NF1: variants seen among roughly 807,000 people sequenced by gnomAD.
NF1 encodes neurofibromin.
A neutral mutation model predicts 325.7 loss-of-function variants in NF1; 122 were observed. That is an observed-to-expected ratio of 0.37 (90% confidence interval 0.32 to 0.44). NF1 has a LOEUF of 0.44. Ranked by LOEUF, NF1 falls within the 20% of genes least tolerant of loss-of-function variation. The pLI, the probability that NF1 is intolerant of heterozygous loss-of-function variation, is 1.00. For missense variants in NF1, 2,140 were observed against 3,415.4 expected (o/e 0.63, Z 9.31); for synonymous variants, 1,091 against 1,186.0 (o/e 0.92, Z 1.65).
At chr17:31,338,919 A>G in intron 46 of NF1, 114 bp downstream of exon 46, 4 of 751,478 alleles carry the variant, frequency 5.3e-6, no homozygotes, top group Non-Finnish European at 9.3e-6. Context: ...TAAAGAAAAA[A>G]CTATAGTTAA....
intron 1 of NF1, among the ~76,000 whole-genome samples, chr17:31,106,657 C>T (rs1375729974): frequency 6.6e-6 from 1 of 152,098 alleles, no homozygotes; most frequent in East Asian, 1.9e-4. Context: ...TGAATCTTTT[C>T]AAGTTGGTTA....
chr17:31,345,012 A>G (rs990419519), intron 48 of NF1, among the ~76,000 whole-genome samples: 2 of 152,280 alleles, frequency 1.3e-5, no homozygotes, highest in Non-Finnish European at 2.9e-5. Context: ...AGTTTCAGCC[A>G]CTCAGGAGGC....
intron 57 of NF1, among the ~76,000 whole-genome samples, chr17:31,365,278 CAAAAAAAAA>C (rs67659795): frequency 9.9e-6 from 1 of 101,118 alleles, no homozygotes; most frequent in African/African-American, 5.5e-5. Flanking sequence ...GAACCTATCT[CAAAAAAAAA>C]AAAAAAAAAA....
chr17:31,266,307 G>A (rs2067787407), intron 36 of NF1, among the ~76,000 whole-genome samples: 1 of 152,220 alleles, frequency 6.6e-6, no homozygotes, highest in Admixed American at 6.5e-5. Context: ...GGTGAAGGAA[G>A]ATCAGTGGAA....
intron 3 of NF1, 125 bp downstream of exon 3, chr17:31,159,218 A>G: frequency 1.4e-6 from 1 of 710,932 alleles, no homozygotes. Context: ...ACATATAAAT[A>G]TGAGTTTTGT....
At chr17:31,345,839 T>C (rs1555535703) in intron 48 of NF1, 2 of 1,613,780 alleles carry the variant, frequency 1.2e-6, no homozygotes, top group Admixed American at 1.7e-5. Context: ...GTGAAGTGGA[T>C]CTAGTGATCA....
At chr17:31,358,882 A>G (rs2070336503) in intron 55 of NF1, 87 bp from the exon 56 acceptor site, 4 of 1,229,026 alleles carry the variant, frequency 3.3e-6, no homozygotes, top group Non-Finnish European at 4.8e-6. Flanking sequence ...TAGGGTTTAT[A>G]TATCATCAGC....
intron 17 of NF1, among the ~76,000 whole-genome samples, chr17:31,226,223 A>T (rs1254282832): frequency 6.6e-6 from 1 of 151,958 alleles, no homozygotes; most frequent in Non-Finnish European, 1.5e-5. Flanking sequence ...GTTGGTCCAG[A>T]TAATCTCATT....
rs1247576052 is a variant in NF1 at position 31,249,229 on chromosome 17, A to G, written c.4110+110A>G. Reference sequence around the variant, plus strand: ...TGGTGTGTGGTTAACTATAATACTGAGTCAGTTTGGATGAATAATACATTG... The same window carrying G: ...TGGTGTGTGGTTAACTATAATACTGGGTCAGTTTGGATGAATAATACATTG... On this transcript the variant is annotated intron_variant, in intron 30 of 57. Transcript: ENST00000358273. 7.2e-6 allele frequency: 9 copies of G among 1,255,880 alleles called. No homozygotes were observed. The African/African-American group carries it at 1.2e-4, about 16-fold the overall frequency. 77.8% of individuals were successfully genotyped at this position (1,255,880 alleles called of 1,614,324 possible).
At chr17:31,338,485 G>T (rs1346711373) in intron 45 of NF1, among the ~76,000 whole-genome samples, 1 of 151,996 alleles carries the variant, frequency 6.6e-6, no homozygotes, top group East Asian at 1.9e-4. Context: ...TATTTAATTT[G>T]TAATTACTAT....
At chr17:31,355,862 G>T (rs942012933) in intron 51 of NF1, 1 of 154,128 alleles carries the variant, frequency 6.5e-6, no homozygotes, top group Non-Finnish European at 1.4e-5. Context: ...GAAAAAAATA[G>T]TGTTAATACA....
intron 39 of NF1, among the ~76,000 whole-genome samples, chr17:31,334,334 A>G (rs1307776485): frequency 6.6e-6 from 1 of 152,098 alleles, no homozygotes; most frequent in Non-Finnish European, 1.5e-5. Flanking sequence ...ATAATCACTG[A>G]AAAAAATATT....
At chr17:31,306,694 G>A (rs1433519034) in intron 36 of NF1, among the ~76,000 whole-genome samples, 1 of 151,916 alleles carries the variant, frequency 6.6e-6, no homozygotes, top group Admixed American at 6.6e-5. Context: ...TGAATCTGGT[G>A]GAGTAAATTC....
chr17:31,194,099 C>G (rs1161656607), intron 8 of NF1, among the ~76,000 whole-genome samples: 3 of 152,138 alleles, frequency 2.0e-5, no homozygotes, highest in African/African-American at 4.8e-5. Flanking sequence ...ATGTTTATTG[C>G]AGCACTATTC....
chr17:31,139,183 G>A (rs1160346956), intron 1 of NF1, among the ~76,000 whole-genome samples: 5 of 152,108 alleles, frequency 3.3e-5, no homozygotes, highest in African/African-American at 1.2e-4. Context: ...AAGTAGCTGG[G>A]ATTACAGGCA....
Position 31,350,287 on chromosome 17 carries a change from T to C in NF1, c.7426T>C (p.Tyr2476His), listed in dbSNP as rs864622745. 5 of 1,613,048 alleles carry C rather than the reference T, an allele frequency of 3.1e-6. No individual in the cohort carries two copies. Residue 2476 changes from tyrosine (Y) to histidine (H), a missense_variant, in exon 50 of 58, where the codon TAT becomes CAT. This residue lies in a region of NF1 where 522 missense variants were observed against 749.0 expected (regional missense o/e 0.70). Transcript: ENST00000358273. ...AATGGAAAATGTTCCTATGGATACA[T>C]ATCCCATTCATCATGGTGACCCTTC... ...ISMENVPMDT[Y>H]PIHHGDPSYR...
At position 31,296,054 on chromosome 17, in the gene NF1, A is replaced by G; in HGVS notation, c.4836-29766A>G. ...CAGAGACCGAGGTAAGTGAGCAGGC[A>G]GGCTTTCAAGCCTGTTGTTTGAAAT... On this transcript the variant is annotated intron_variant, in intron 36 of 57. Transcript: ENST00000358273. 9 of 1,614,066 alleles carry G rather than the reference A, an allele frequency of 5.6e-6. No individual in the cohort carries two copies. Among genetic ancestry groups the G allele is most frequent in the Non-Finnish European group, 5.9e-6 (7 of 1,179,974 alleles).
In NF1 at chr17:31,258,383, G is replaced by A. The variant is rs1256219174; in HGVS notation, c.4213G>A (p.Val1405Ile). The A allele has an allele frequency of 1.2e-6, 2 of 1,613,758 alleles. No individual in the cohort carries two copies. Among genetic ancestry groups the A allele is most frequent in the Non-Finnish European group, 1.7e-6 (2 of 1,179,902 alleles). The change falls in exon 32 of 58, where the codon GTA becomes ATA. Residue 1405 changes from valine (V) to isoleucine (I), a missense_variant. Physicochemically the swap from Val to Ile is conservative, Grantham distance 29. Transcript: ENST00000358273. The stretch of plus-strand genomic sequence containing the variant: ...TTTCCCTCAGAACAGCATCGGTGCA[G>A]TAGGAAGTGCCATGTTCCTCAGATT... ...QRFPQNSIGAVGSAMFLRFIN... is the reference protein window; with the variant it reads ...QRFPQNSIGAIGSAMFLRFIN...
chr17:31,342,427 G>C (rs912700890), intron 47 of NF1, among the ~76,000 whole-genome samples: 1 of 152,050 alleles, frequency 6.6e-6, no homozygotes, highest in African/African-American at 2.4e-5. Flanking sequence ...GTGACACCCT[G>C]TCTCTACTAA....
Sources: gnomAD v4.1 joint callset for allele counts (sites outside exome capture counted in the v4.1 genomes callset) on GRCh38, gnomAD v4.1.1 for gene constraint, gnomAD v4.1.1 regional missense constraint, MANE v1.5 for transcripts, NCBI Gene and HGNC (gene_info 2026-07-23, HGNC 2026-07-21) for gene names.